FAM120C: variants seen among roughly 807,000 people sequenced by gnomAD.
FAM120C encodes constitutive coactivator of PPAR-gamma-like protein 2.
Under a neutral mutation model 71.2 loss-of-function variants are expected in FAM120C, and 14 were observed. The observed-to-expected ratio is 0.20, with a 90% CI of 0.13 to 0.31. The LOEUF (loss-of-function observed/expected upper bound fraction) is 0.31. Ranked by LOEUF, FAM120C falls within the 10% of genes least tolerant of loss-of-function variation. The pLI is 1.00. For synonymous variants in FAM120C, 354 were observed against 353.2 expected (o/e 1.00, Z -0.03); for missense variants, 500 against 879.0 (o/e 0.57, Z 5.45).
chrX:54,083,433 C>CCACACA (rs781964795), intron 13 of FAM120C, among the ~76,000 whole-genome samples: 14,306 of 78,704 alleles, frequency 0.18, 1,305 homozygotes, highest in Middle Eastern at 0.29. Context: ...GACCCCATCT[C>CCACACA]CACACACACA....
chrX:54,137,819 A>G (rs182263590), intron 4 of FAM120C, among the ~76,000 whole-genome samples: 2 of 112,187 alleles, frequency 1.8e-5, no homozygotes, highest in Admixed American at 1.9e-4. Flanking sequence ...AAGGATATGA[A>G]GTAACTGAAC....
intron 1 of FAM120C, chrX:54,174,180 G>T: frequency 2.0e-6 from 1 of 512,559 alleles, no homozygotes; most frequent in Non-Finnish European, 3.5e-6. Flanking sequence ...AAGAGCCAGA[G>T]AGAAAGAGAG....
At chrX:54,182,453 G>C in intron 1 of FAM120C, 47 bp downstream of exon 1, 1 of 1,143,997 alleles carries the variant, frequency 8.7e-7, no homozygotes. Context: ...TTAGTTGGGA[G>C]GGAATAGGTG....
At chrX:54,180,708 C>A (rs1172075319) in intron 1 of FAM120C, among the ~76,000 whole-genome samples, 6 of 111,867 alleles carry the variant, frequency 5.4e-5, no homozygotes, top group African/African-American at 2.0e-4. Context: ...CCACTTATCT[C>A]TGGGTGACTT....
chrX:54,146,329 T>TA (rs202237602), intron 4 of FAM120C, among the ~76,000 whole-genome samples: 3 of 110,371 alleles, frequency 2.7e-5, no homozygotes, highest in East Asian at 2.8e-4. Context: ...AAAATTAAAT[T>TA]AAAAAAAATA....
intron 3 of FAM120C, among the ~76,000 whole-genome samples, chrX:54,155,299 A>G (rs1162112633): frequency 8.9e-6 from 1 of 112,398 alleles, no homozygotes; most frequent in Non-Finnish European, 1.9e-5. Context: ...ACAAGTGGAA[A>G]AGACAAGGAA....
intron 11 of FAM120C, 99 bp downstream of exon 11, chrX:54,091,213 G>A: frequency 3.8e-6 from 2 of 521,833 alleles, no homozygotes; most frequent in East Asian, 7.2e-5. Flanking sequence ...GTTACCTGCA[G>A]AACTTACTAT....
At chrX:54,127,766 T>A (rs1023505569) in intron 9 of FAM120C, among the ~76,000 whole-genome samples, 4 of 107,936 alleles carry the variant, frequency 3.7e-5, no homozygotes, top group East Asian at 2.9e-4. Context: ...TTAAAAAAAA[T>A]TTTTTTTTGT....
intron 9 of FAM120C, among the ~76,000 whole-genome samples, chrX:54,129,527 C>T (rs1320034935): frequency 1.8e-5 from 2 of 108,456 alleles, no homozygotes; most frequent in Non-Finnish European, 3.9e-5. Context: ...ACGCTCCTCA[C>T]TTTCCAGACT....
At chrX:54,108,137 CT>C in intron 10 of FAM120C, among the ~76,000 whole-genome samples, 1 of 106,763 alleles carries the variant, frequency 9.4e-6, no homozygotes, top group East Asian at 3.0e-4. Flanking sequence ...CAAAAACTTA[CT>C]TTTTTTTAAT....
chrX:54,149,218 C>T (rs1412341503), intron 4 of FAM120C, among the ~76,000 whole-genome samples: 1 of 112,394 alleles, frequency 8.9e-6, no homozygotes, highest in Non-Finnish European at 1.9e-5. Flanking sequence ...TATAAACAAA[C>T]TGGCATATCC....
At chrX:54,114,039 TACACAC>T (rs201960191) in intron 10 of FAM120C, among the ~76,000 whole-genome samples, 268 of 98,705 alleles carry the variant, frequency 2.7e-3, no homozygotes, top group African/African-American at 7.7e-3. Context: ...GAAAGTGTGA[TACACAC>T]ACACACACAC....
chrX:54,078,625 T>C (rs782412463), intron 15 of FAM120C, among the ~76,000 whole-genome samples: 1 of 111,474 alleles, frequency 9.0e-6, no homozygotes, highest in East Asian at 2.8e-4. Flanking sequence ...AGATTTAGGA[T>C]TGAGAACTGA....
chrX:54,118,697 TTC>T (rs1169434676), intron 9 of FAM120C, among the ~76,000 whole-genome samples: 1 of 92,389 alleles, frequency 1.1e-5, no homozygotes, highest in African/African-American at 4.4e-5. Flanking sequence ...TTTTCTTTTT[TTC>T]TTTTTTTTTT....
chrX:54,149,167 A>G (rs1351347527), intron 4 of FAM120C, among the ~76,000 whole-genome samples: 1 of 112,340 alleles, frequency 8.9e-6, no homozygotes, highest in Non-Finnish European at 1.9e-5. Context: ...TCATAACACC[A>G]TAAATCGAAA....
Position 54,072,860 on chromosome X carries a change from C to T in FAM120C, c.*173G>A. On this transcript the variant is annotated 3_prime_UTR_variant, in exon 16 of 16. Coordinates refer to ENST00000375180, the MANE Select transcript of FAM120C (RefSeq NM_017848.6). The stretch of plus-strand genomic sequence containing the variant: ...CTTCTCCAGAAACAGACCACTGAAT[C>T]TGAAGTCCCAGAAACAGGCAGGGAA... 1.9e-6 allele frequency: 1 copy of T among 517,142 alleles called. No homozygotes were observed. Among genetic ancestry groups the T allele is most frequent in the Non-Finnish European group, 3.0e-6 (1 of 331,230 alleles). The allele number at this position is 517,142 out of a possible 1,213,427, so 42.6% of individuals were successfully genotyped here. A position where few individuals can be genotyped will look rare whatever the true frequency, so the allele number is the denominator to read the frequency against.
intron 11 of FAM120C, among the ~76,000 whole-genome samples, 176 bp downstream of exon 11, chrX:54,091,136 A>G (rs1292468108): frequency 2.7e-5 from 3 of 112,168 alleles, no homozygotes; most frequent in African/African-American, 9.7e-5. Flanking sequence ...TCAGTATGAG[A>G]GCAGCGTAGC....
At chrX:54,118,712 T>C (rs1352998138) in intron 9 of FAM120C, among the ~76,000 whole-genome samples, 2 of 90,607 alleles carry the variant, frequency 2.2e-5, no homozygotes, top group Non-Finnish European at 4.4e-5. Context: ...TTTTTTTTTT[T>C]TTTTTTTTTT....
At chrX:54,157,825 C>A in intron 2 of FAM120C, 54 bp from the exon 3 acceptor site, 1 of 892,361 alleles carries the variant, frequency 1.1e-6, no homozygotes, top group East Asian at 3.2e-5. Flanking sequence ...TTAGAACCTC[C>A]AGGCCATGAA....
Sources: gnomAD v4.1 joint callset for allele counts (sites outside exome capture counted in the v4.1 genomes callset) on GRCh38, gnomAD v4.1.1 for gene constraint, MANE v1.5 for transcripts, NCBI Gene and HGNC (gene_info 2026-07-23, HGNC 2026-07-21) for gene names.